PLA1A: variants seen among roughly 807,000 people sequenced by gnomAD.
PLA1A encodes the protein phosphatidylserine-specific phospholipase A1alpha.
Under a neutral mutation model 49.4 loss-of-function variants are expected in PLA1A, and 47 were observed. That is an observed-to-expected ratio of 0.95 (90% confidence interval 0.75 to 1.21). The LOEUF (loss-of-function observed/expected upper bound fraction) is 1.21, where lower values mean the gene tolerates loss of function less well. PLA1A is among the 50% of genes most tolerant of loss of function. The pLI is 0.00. For missense variants in PLA1A, 561 were observed against 563.9 expected (o/e 0.99, Z 0.05); for synonymous variants, 224 against 207.9 (o/e 1.08, Z -0.67).
At chr3:119,620,184 A>G (rs1167575454) in intron 8 of PLA1A, 1 of 456,518 alleles carries the variant, frequency 2.2e-6, no homozygotes, top group Admixed American at 2.3e-5. Context: ...TCCAGAATCC[A>G]TGAAATACAT....
intron 5 of PLA1A, among the ~76,000 whole-genome samples, 179 bp from the exon 6 acceptor site, chr3:119,615,822 CAGAAAAAAAAA>C (rs529247313): frequency 6.9e-6 from 1 of 145,264 alleles, no homozygotes; most frequent in East Asian, 2.0e-4. Context: ...AAGAAAGCCT[CAGAAAAAAAAA>C]AGAAAAAGAA....
At chr3:119,612,370 C>T (rs1453332075) in intron 4 of PLA1A, among the ~76,000 whole-genome samples, 2 of 152,132 alleles carry the variant, frequency 1.3e-5, no homozygotes, top group South Asian at 2.1e-4. Flanking sequence ...TAAAACTGCC[C>T]GGCATAAGGC....
chr3:119,600,373 C>T, intron 1 of PLA1A: 2 of 703,006 alleles, frequency 2.8e-6, no homozygotes, highest in Non-Finnish European at 5.2e-6. Flanking sequence ...TCCTCTCCTC[C>T]AGGTGGATGC....
chr3:119,622,240 C>T (rs2082951119), intron 8 of PLA1A, among the ~76,000 whole-genome samples: 1 of 151,764 alleles, frequency 6.6e-6, no homozygotes, highest in Admixed American at 6.6e-5. Context: ...CTTTCTTAAT[C>T]AATGATACTT....
At chr3:119,599,593 T>C (rs2082588334) in intron 1 of PLA1A, among the ~76,000 whole-genome samples, 1 of 152,134 alleles carries the variant, frequency 6.6e-6, no homozygotes, top group African/African-American at 2.4e-5. Context: ...GTCACACAGA[T>C]AAGAGAAGCT....
chr3:119,599,945 T>G (rs1486358159), intron 1 of PLA1A, among the ~76,000 whole-genome samples: 2 of 152,022 alleles, frequency 1.3e-5, no homozygotes, highest in African/African-American at 4.8e-5. Context: ...AGTGAGTTGA[T>G]GGATAGGCAG....
At chr3:119,626,894 C>G (rs767288697) in intron 9 of PLA1A, among the ~76,000 whole-genome samples, 1 of 152,146 alleles carries the variant, frequency 6.6e-6, no homozygotes, top group African/African-American at 2.4e-5. Context: ...TCATTAGACC[C>G]GCTCAAGGTT....
chr3:119,614,102 G>A (rs576496185), intron 5 of PLA1A, among the ~76,000 whole-genome samples: 30 of 152,304 alleles, frequency 2.0e-4, no homozygotes, highest in African/African-American at 7.2e-4. Context: ...TCCCTGACCA[G>A]ACAAGCTTGC....
chr3:119,606,643 C>T (rs1203814739), intron 1 of PLA1A, 131 bp from the exon 2 acceptor site: 1 of 630,678 alleles, frequency 1.6e-6, no homozygotes, highest in Non-Finnish European at 2.8e-6. Flanking sequence ...GATTATTGCA[C>T]TAGCTGATGT....
intron 1 of PLA1A, among the ~76,000 whole-genome samples, chr3:119,606,339 C>G (rs1398324712): frequency 1.3e-5 from 2 of 152,178 alleles, no homozygotes; most frequent in Non-Finnish European, 2.9e-5. Flanking sequence ...CAAATTTCCT[C>G]TTTATATAAA....
chr3:119,622,779 A>T (rs199776764), intron 8 of PLA1A, among the ~76,000 whole-genome samples: 8 of 38,880 alleles, frequency 2.1e-4, no homozygotes, highest in African/African-American at 5.7e-4. Context: ...ACCCCTTAGT[A>T]AAAAAAAAAA....
intron 3 of PLA1A, 118 bp downstream of exon 3, chr3:119,609,065 G>A: frequency 1.3e-6 from 1 of 775,086 alleles, no homozygotes; most frequent in Non-Finnish European, 2.1e-6. Flanking sequence ...GTAGCTCGGT[G>A]GTCTTGGGTT....
intron 8 of PLA1A, among the ~76,000 whole-genome samples, chr3:119,621,006 G>A (rs556719289): frequency 4.6e-5 from 7 of 152,310 alleles, no homozygotes; most frequent in African/African-American, 7.2e-5. Context: ...TCCGCAGGCC[G>A]TACGTCTCAG....
At chr3:119,626,707 C>G (rs2052543427) in intron 9 of PLA1A, among the ~76,000 whole-genome samples, 1 of 152,160 alleles carries the variant, frequency 6.6e-6, no homozygotes, top group Admixed American at 6.5e-5. Context: ...TGAGGCACTA[C>G]AAGTTTCTGC....
At chr3:119,607,404 C>T (rs1400172350) in intron 2 of PLA1A, among the ~76,000 whole-genome samples, 1 of 152,208 alleles carries the variant, frequency 6.6e-6, no homozygotes, top group East Asian at 1.9e-4. Flanking sequence ...TGATACTCTC[C>T]AGTCCACAAT....
chr3:119,623,802 G>T (rs942359073), intron 8 of PLA1A, among the ~76,000 whole-genome samples: 11 of 140,034 alleles, frequency 7.9e-5, no homozygotes, highest in African/African-American at 3.0e-4. Context: ...TCGGCTCACT[G>T]CAACCTCTGC....
intron 6 of PLA1A, among the ~76,000 whole-genome samples, chr3:119,616,752 C>T (rs567800556): frequency 1.1e-4 from 17 of 152,208 alleles, no homozygotes; most frequent in Non-Finnish European, 2.4e-4. Flanking sequence ...ATCTATTTTA[C>T]CAAATTTACT....
At position 119,613,113 on chromosome 3, in the gene PLA1A, C is replaced by T. The variant is rs752556181; in HGVS notation, c.659C>T (p.Thr220Ile). The T allele has an allele frequency of 7.5e-6, 12 of 1,601,996 alleles. No individual in the cohort carries two copies. The highest frequency in any genetic ancestry group is 9.4e-6 in the Non-Finnish European group (11 of 1,172,684). Residue 220 changes from threonine (T) to isoleucine (I), a missense_variant, in exon 5 of 11, where the codon ACC becomes ATC. Physicochemically the swap from Thr to Ile is moderately conservative, Grantham distance 89. Coordinates refer to ENST00000273371, the MANE Select transcript of PLA1A (RefSeq NM_015900.4). ...ALFVEAIHTDTDNLGIRIPVG... is the reference protein window; with the variant it reads ...ALFVEAIHTDIDNLGIRIPVG... The stretch of plus-strand genomic sequence containing the variant: ...TTCGTGGAAGCCATCCACACAGACA[C>T]CGACAGTGAGCTGGGGTGACCTTCC...
At chr3:119,625,265 C>T in intron 9 of PLA1A, 33 bp downstream of exon 9, 1 of 1,347,676 alleles carries the variant, frequency 7.4e-7, no homozygotes, top group Non-Finnish European at 1.1e-6. Flanking sequence ...TGACTCCTCC[C>T]CTTAGGAGTT....
Sources: allele counts gnomAD v4.1 joint callset (sites outside exome capture counted in the v4.1 genomes callset), GRCh38; gene constraint gnomAD v4.1.1; transcripts MANE v1.5; gene names NCBI Gene and HGNC (gene_info 2026-07-23, HGNC 2026-07-21).